ZNF487: variants seen among roughly 807,000 people sequenced by gnomAD.
The protein encoded by ZNF487 is KRAB domain only 1.
In ZNF487, 4 loss-of-function variants were observed where a neutral mutation model predicts 3.0. The observed-to-expected ratio is 1.35, with a 90% CI of 0.66 to 3.08. The LOEUF is 3.08. ZNF487 is among the 30% of genes most tolerant of loss of function. The probability of loss-of-function intolerance (pLI) is 0.01; values close to 1 mark genes in which losing one functional copy is unlikely to be tolerated. For missense variants in ZNF487, 146 were observed against 98.7 expected, an observed-to-expected ratio of 1.48 and a Z score of -2.03; for synonymous variants, 55 against 34.6, an observed-to-expected ratio of 1.59 and a Z score of -2.06.
chr10:43,491,928 A>G, the ZNF487 span, among the ~76,000 whole-genome samples: 6 of 151,542 alleles, frequency 4.0e-5, 1 homozygote, highest in Admixed American at 1.3e-4. Context: ...GTTTTGTTTT[A>G]TTTTGTTTGT....
intron 1 of ZNF487, among the ~76,000 whole-genome samples, chr10:43,469,607 C>T (rs371957243): frequency 9.2e-5 from 14 of 152,158 alleles, no homozygotes; most frequent in African/African-American, 3.4e-4. Flanking sequence ...TTCCAAAGTG[C>T]TGGGATTACA....
intron 1 of ZNF487, among the ~76,000 whole-genome samples, chr10:43,474,531 T>G (rs906056618): frequency 2.6e-5 from 4 of 152,108 alleles, no homozygotes; most frequent in Non-Finnish European, 5.9e-5. Context: ...TGCCTGTGAA[T>G]GTACTCCAGC....
intron 1 of ZNF487, among the ~76,000 whole-genome samples, chr10:43,470,374 C>T (rs780804248): frequency 1.3e-5 from 2 of 151,674 alleles, no homozygotes; most frequent in Non-Finnish European, 2.9e-5. Flanking sequence ...CCACTATGCC[C>T]AGCTAATTTT....
the ZNF487 span, among the ~76,000 whole-genome samples, chr10:43,516,787 T>C: frequency 6.6e-6 from 1 of 152,318 alleles, no homozygotes; most frequent in African/African-American, 2.4e-5. Context: ...ACTCAAATGT[T>C]AGCCTCCTTT....
At position 43,482,884 on chromosome 10, in the gene ZNF487, A is replaced by C. The variant is rs1460582621; in HGVS notation, c.*962A>C. On this transcript the variant is annotated 3_prime_UTR_variant, in exon 4 of 4. Coordinates refer to ENST00000437590, the MANE Select transcript of ZNF487 (RefSeq NM_001355444.3). ...TACCACAAGTCATCCCTCACAGTAC[A>C]TCAGAGAACCCACACAGGAGAGAAA... 4 of 532,926 alleles carry C rather than the reference A, an allele frequency of 7.5e-6. No individual in the cohort carries two copies. Among genetic ancestry groups the C allele is most frequent in the Non-Finnish European group, 1.5e-5 (4 of 259,430 alleles). 33.0% of individuals were successfully genotyped at this position (532,926 alleles called of 1,614,324 possible).
At chr10:43,479,031 T>TTA (rs149041176) in intron 3 of ZNF487, among the ~76,000 whole-genome samples, 18 of 147,066 alleles carry the variant, frequency 1.2e-4, no homozygotes, top group African/African-American at 2.2e-4. Flanking sequence ...AAGAGAAAAT[T>TTA]TATATATATA....
chr10:43,449,018 G>T (rs10899806), intron 1 of ZNF487, among the ~76,000 whole-genome samples: 10,277 of 145,374 alleles, frequency 0.071, 520 homozygotes, highest in East Asian at 0.2. Context: ...AAAAAAAAAG[G>T]CTGGGTGCAG....
At chr10:43,509,800 A>C in the ZNF487 span, among the ~76,000 whole-genome samples, 1 of 151,842 alleles carries the variant, frequency 6.6e-6, no homozygotes, top group Non-Finnish European at 1.5e-5. Context: ...TTCTTTGGCA[A>C]CCCCCTCACA....
the ZNF487 span, among the ~76,000 whole-genome samples, chr10:43,489,614 A>G: frequency 6.6e-6 from 1 of 152,168 alleles, no homozygotes. Flanking sequence ...TCCGCCTCCC[A>G]AAGTGTTGGG....
chr10:43,479,079 A>T (rs528451994), intron 3 of ZNF487, among the ~76,000 whole-genome samples: 1 of 138,396 alleles, frequency 7.2e-6, no homozygotes, highest in Non-Finnish European at 1.5e-5. Flanking sequence ...GTATGTATGT[A>T]TGTGTGTATA....
chr10:43,471,442 CGTT>C (rs763939913), intron 1 of ZNF487, among the ~76,000 whole-genome samples: 1 of 152,166 alleles, frequency 6.6e-6, no homozygotes, highest in Non-Finnish European at 1.5e-5. Flanking sequence ...CCCCTTGTCT[CGTT>C]GCATGGGGTG....
chr10:43,463,018 T>C (rs945528837), intron 1 of ZNF487, among the ~76,000 whole-genome samples: 2 of 151,972 alleles, frequency 1.3e-5, no homozygotes, highest in Non-Finnish European at 2.9e-5. Flanking sequence ...GTGGATCAAC[T>C]GAGGTCGGGA....
intron 1 of ZNF487, among the ~76,000 whole-genome samples, chr10:43,461,326 T>C (rs1281386802): frequency 2.0e-5 from 3 of 150,818 alleles, no homozygotes; most frequent in Admixed American, 6.6e-5. Flanking sequence ...GTTTTTTTTT[T>C]TTTTTTTTGA....
downstream of ZNF487, among the ~76,000 whole-genome samples, chr10:43,483,421 G>C (rs1393563629): frequency 6.6e-6 from 1 of 151,410 alleles, no homozygotes; most frequent in Non-Finnish European, 1.5e-5. Context: ...TGTATTTTTA[G>C]TAGAGACGGG....
At chr10:43,494,753 C>A in the ZNF487 span, among the ~76,000 whole-genome samples, 1 of 108,536 alleles carries the variant, frequency 9.2e-6, no homozygotes, top group Non-Finnish European at 1.7e-5. Context: ...AACCCTGTCT[C>A]TACTAAAAAT....
intron 1 of ZNF487, among the ~76,000 whole-genome samples, chr10:43,472,672 CT>C (rs1344595415): frequency 2.0e-5 from 3 of 152,126 alleles, no homozygotes; most frequent in Non-Finnish European, 4.4e-5. Flanking sequence ...ACATCTGTGA[CT>C]TCACTTCCTT....
the ZNF487 span, among the ~76,000 whole-genome samples, chr10:43,507,821 C>A: frequency 6.6e-6 from 1 of 152,226 alleles, no homozygotes; most frequent in Non-Finnish European, 1.5e-5. Flanking sequence ...GCCCCTGAAC[C>A]TTTCCCTGTT....
chr10:43,454,006 T>C (rs934753494), intron 1 of ZNF487: 1 of 152,222 alleles, frequency 6.6e-6, no homozygotes, highest in South Asian at 2.1e-4. Flanking sequence ...TGCAATTCTT[T>C]TAATATTTTA....
At position 43,481,963 on chromosome 10, in the gene ZNF487, T is replaced by C. The variant is rs1841381208; in HGVS notation, c.*41T>C. On this transcript the variant is annotated 3_prime_UTR_variant, in exon 4 of 4. Transcript: ENST00000437590. The stretch of plus-strand genomic sequence containing the variant: ...GAGAGCCTTTTCCGATAGACCAATA[T>C]TCATTGTTCATCAGAGAACTCACAT... 1 of 605,692 alleles carries C rather than the reference T, an allele frequency of 1.7e-6. No individual in the cohort carries two copies. The highest frequency in any genetic ancestry group is 2.9e-6 in the Non-Finnish European group (1 of 342,578). 37.5% of individuals were successfully genotyped at this position (605,692 alleles called of 1,614,324 possible). A position where few individuals can be genotyped will look rare whatever the true frequency, so the allele number is the denominator to read the frequency against.
Sources: gnomAD v4.1 joint callset for allele counts (sites outside exome capture counted in the v4.1 genomes callset) on GRCh38, gnomAD v4.1.1 for gene constraint, MANE v1.5 for transcripts, NCBI Gene and HGNC (gene_info 2026-07-23, HGNC 2026-07-21) for gene names.